Variants in TUBGCP3 observed in about 807,000 individuals in gnomAD.
TUBGCP3 encodes the protein tubulin gamma complex component 3, also known as gamma-tubulin complex component 3.
In TUBGCP3, 50 loss-of-function variants were observed where a neutral mutation model predicts 123.1. The ratio of observed to expected loss-of-function variants is 0.41; its 90% CI spans 0.32 to 0.51. The LOEUF (loss-of-function observed/expected upper bound fraction) is 0.51, where lower values mean the gene tolerates loss of function less well. Ranked by LOEUF, TUBGCP3 falls within the 20% of genes least tolerant of loss-of-function variation. TUBGCP3 has a pLI of 0.36. For synonymous variants in TUBGCP3, 405 were observed against 413.9 expected (o/e 0.98, Z 0.26); for missense variants, 882 against 1,127.0 (o/e 0.78, Z 3.11).
intron 3 of TUBGCP3, among the ~76,000 whole-genome samples, chr13:112,564,126 A>C (rs11842105): frequency 0.14 from 21,401 of 152,196 alleles, 2,582 homozygotes; most frequent in African/African-American, 0.33. Flanking sequence ...TGGACAAAAA[A>C]GGTTCCTATT....
intron 21 of TUBGCP3, 120 bp from the exon 22 acceptor site, chr13:112,486,271 T>A: frequency 8.0e-7 from 1 of 1,243,790 alleles, no homozygotes; most frequent in Non-Finnish European, 1.1e-6. Context: ...AACAGGCCCT[T>A]AGTAAATGCC....
intron 11 of TUBGCP3, among the ~76,000 whole-genome samples, chr13:112,538,687 AAAG>A (rs1878263043): frequency 6.6e-6 from 1 of 152,226 alleles, no homozygotes; most frequent in Non-Finnish European, 1.5e-5. Flanking sequence ...TTTATTATAA[AAAG>A]AAGCATTTTC....
At chr13:112,529,484 C>T (rs915827882) in intron 11 of TUBGCP3, among the ~76,000 whole-genome samples, 1 of 152,198 alleles carries the variant, frequency 6.6e-6, no homozygotes, top group African/African-American at 2.4e-5. Context: ...TGGATTTAAG[C>T]GTGTCCAGTG....
chr13:112,554,931 T>A lies in TUBGCP3; in HGVS notation c.796A>T (p.Ile266Phe), dbSNP rs146089897. 3 of 1,613,308 alleles carry A rather than the reference T, an allele frequency of 1.9e-6. No individual in the cohort carries two copies. The African/African-American group carries it at 4.0e-5, about 22-fold the overall frequency. ...YVFQGIDGKN[I>F]KMNNTENCYK... is the part of the protein sequence containing the mutation. ...CAATTTTCAGTGTTGTTCATTTTGA[T>A]GTTTTTGCCATCTATGCCCTGAAAG... The change falls in exon 7 of 22, where the codon ATC becomes TTC. Residue 266 changes from isoleucine (I) to phenylalanine (F), a missense_variant. By Grantham distance (21) the Ile-to-Phe change is conservative. This residue lies in a region of TUBGCP3 where 713 missense variants were observed against 874.0 expected (regional missense o/e 0.82). Coordinates refer to ENST00000261965, the MANE Select transcript of TUBGCP3 (RefSeq NM_006322.6).
Position 112,522,304 on chromosome 13 carries a change from C to G in TUBGCP3, c.1745+16G>C. Reference sequence around the variant, plus strand: ...AAATATATTACTTATTTATAGAAATCAAAATAGTGCCTTACTTTAGCAAGT... The same window carrying G: ...AAATATATTACTTATTTATAGAAATGAAAATAGTGCCTTACTTTAGCAAGT... On this transcript the variant is annotated intron_variant, in intron 14 of 21. Transcript: ENST00000261965. 2 of 1,518,150 alleles carry G rather than the reference C, an allele frequency of 1.3e-6. No homozygotes were observed. Among genetic ancestry groups the G allele is most frequent in the Non-Finnish European group, 1.8e-6 (2 of 1,120,722 alleles). 94.0% of individuals were successfully genotyped at this position (1,518,150 alleles called of 1,614,324 possible).
chr13:112,548,134 G>A lies in TUBGCP3; in HGVS notation c.1009C>T (p.Arg337Ter), dbSNP rs763967784. The A allele has an allele frequency of 1.9e-6, 3 of 1,603,440 alleles. No individual in the cohort carries two copies. Among genetic ancestry groups the A allele is most frequent in the Non-Finnish European group, 8.5e-7 (1 of 1,173,864 alleles). Residue 337 changes from arginine (R) to a stop codon, truncating the protein, a stop_gained, in exon 9 of 22, where the codon CGA becomes TGA. Transcript: ENST00000261965. LOFTEE classifies it high-confidence loss of function. ...TGAGAATGTAAAACAGAGAGCAATC[G>A]ATAGTATTCTCTGAGTTCCTGGTGC... ...ALHQELREYY[R>*]LLSVLHSQLQ...
At chr13:112,586,410 C>T (rs1168524337) in intron 1 of TUBGCP3, among the ~76,000 whole-genome samples, 2 of 152,078 alleles carry the variant, frequency 1.3e-5, no homozygotes, top group African/African-American at 4.8e-5. Flanking sequence ...GTGGGTAAGT[C>T]CTAACAATCT....
chr13:112,547,547 TCGCG>T (rs777704048), intron 10 of TUBGCP3, 69 bp downstream of exon 10: 6 of 705,688 alleles, frequency 8.5e-6, no homozygotes, highest in African/African-American at 1.4e-4. Flanking sequence ...CATGGGAAAG[TCGCG>T]CGTGGGAAAG....
At chr13:112,600,646 T>A in the TUBGCP3 span, among the ~76,000 whole-genome samples, 27 of 152,268 alleles carry the variant, frequency 1.8e-4, no homozygotes, top group African/African-American at 6.0e-4. Flanking sequence ...TAAAAAAAAT[T>A]GGAATTAATT....
the TUBGCP3 span, among the ~76,000 whole-genome samples, chr13:112,599,567 C>A: frequency 1.8e-4 from 28 of 152,112 alleles, no homozygotes; most frequent in Non-Finnish European, 3.8e-4. Flanking sequence ...AGTGCAGTGG[C>A]GTGGTCTCGG....
chr13:112,487,489 G>A lies in TUBGCP3; in HGVS notation c.2566-1338C>T, dbSNP rs191314925. Among the ~76,000 whole-genome samples, 5 of 152,238 alleles carry A rather than the reference G, an allele frequency of 3.3e-5. No homozygotes were observed. The East Asian group carries it at 9.6e-4, about 29-fold the overall frequency. On this transcript the variant is annotated intron_variant, in intron 21 of 21. Coordinates refer to ENST00000261965, the MANE Select transcript of TUBGCP3 (RefSeq NM_006322.6). ...ATGTGTAACCATAAACAAGAACATC[G>A]TTGTCTCAGAAATAAGCACACAGAC...
At position 112,516,363 on chromosome 13, in the gene TUBGCP3, T is replaced by C. The variant is rs1038269925; in HGVS notation, c.2086+77A>G. On this transcript the variant is annotated intron_variant, in intron 17 of 21. Transcript: ENST00000261965. ...TGAGTCTACCTTAACTTCTGCGGAG[T>C]TGCTGGAAACCGCACCCAGTGGGGG... 20 of 1,407,618 alleles carry C rather than the reference T, an allele frequency of 1.4e-5. No homozygotes were observed. In the African/African-American group the frequency reaches 2.8e-4, roughly 20 times the overall value. 87.2% of individuals were successfully genotyped at this position (1,407,618 alleles called of 1,614,324 possible).
chr13:112,566,886 C>T (rs1880990825), intron 2 of TUBGCP3, among the ~76,000 whole-genome samples: 2 of 152,146 alleles, frequency 1.3e-5, no homozygotes, highest in Non-Finnish European at 1.5e-5. Flanking sequence ...ATGACTTTTG[C>T]AATTTGTTTC....
intron 11 of TUBGCP3, among the ~76,000 whole-genome samples, chr13:112,529,876 A>G (rs944232078): frequency 2.0e-5 from 3 of 152,216 alleles, no homozygotes; most frequent in Non-Finnish European, 2.9e-5. Context: ...ATCTTTCCAT[A>G]AATTCCAAAT....
rs940428978 is a variant in TUBGCP3, at chr13:112,511,368, T to C, written c.2086+5072A>G. Reference sequence around the variant, plus strand: ...ATAATAATTATGTGCTTCATGGATTTCAAATTTATGCTCCACTGCTATTTC... The same window carrying C: ...ATAATAATTATGTGCTTCATGGATTCCAAATTTATGCTCCACTGCTATTTC... On this transcript the variant is annotated intron_variant, in intron 17 of 21. Coordinates refer to ENST00000261965, the MANE Select transcript of TUBGCP3 (RefSeq NM_006322.6). This position sits in a 1 kb window ranked among gnomAD's most constrained non-coding sequence, Gnocchi z 4.1. Among the ~76,000 whole-genome samples, 1 of 152,188 alleles carries C rather than the reference T, an allele frequency of 6.6e-6. No homozygotes were observed. Among genetic ancestry groups the C allele is most frequent in the African/African-American group, 2.4e-5 (1 of 41,438 alleles).
chr13:112,502,926 A>T (rs1881029934), intron 19 of TUBGCP3, among the ~76,000 whole-genome samples: 1 of 152,226 alleles, frequency 6.6e-6, no homozygotes, highest in African/African-American at 2.4e-5. Context: ...TTATAAAAAC[A>T]TGTAAAACAC....
intron 14 of TUBGCP3, chr13:112,521,970 T>C (rs770437190): frequency 1.0e-4 from 45 of 446,138 alleles, no homozygotes; most frequent in Non-Finnish European, 1.3e-4. Flanking sequence ...AATTCAACTT[T>C]AAAATATATA....
chr13:112,551,775 A>G (rs902464568), intron 8 of TUBGCP3, among the ~76,000 whole-genome samples: 7 of 152,154 alleles, frequency 4.6e-5, no homozygotes, highest in African/African-American at 1.7e-4. Flanking sequence ...GAGAAAGAAG[A>G]TAAAAGAAGA....
intron 1 of TUBGCP3, among the ~76,000 whole-genome samples, chr13:112,579,714 G>A (rs1362403770): frequency 6.6e-6 from 1 of 152,224 alleles, no homozygotes; most frequent in East Asian, 1.9e-4. Flanking sequence ...TGGCATCCCT[G>A]GAGCTCTCCC....
Sources: gnomAD v4.1 joint callset for allele counts (sites outside exome capture counted in the v4.1 genomes callset) on GRCh38, gnomAD v4.1.1 for gene constraint, gnomAD v4.1.1 regional missense constraint, Gnocchi (gnomAD v3.1) non-coding constraint, MANE v1.5 for transcripts, NCBI Gene and HGNC (gene_info 2026-07-23, HGNC 2026-07-21) for gene names.